The following EVL variants were observed in gnomAD, a reference collection of about 807,000 sequenced individuals.
EVL encodes ena/VASP-like protein.
EVL carries 21 observed loss-of-function variants against 59.6 expected under a neutral mutation model. The observed-to-expected ratio is 0.35, with a 90% CI of 0.25 to 0.51. The LOEUF (loss-of-function observed/expected upper bound fraction) is 0.51, where lower values mean the gene tolerates loss of function less well. Ranked by LOEUF, EVL falls within the 20% of genes least tolerant of loss-of-function variation. EVL has a pLI of 0.97. For missense variants in EVL, 462 were observed against 546.6 expected (o/e 0.85, Z 1.54); for synonymous variants, 198 against 203.5 (o/e 0.97, Z 0.23).
chr14:100,050,778 T>G (rs1269254911), intron 1 of EVL, among the ~76,000 whole-genome samples: 1 of 146,688 alleles, frequency 6.8e-6, no homozygotes, highest in African/African-American at 2.5e-5. Context: ...GGTCTCACTC[T>G]GTCCCCCAGG....
chr14:100,071,341 T>C lies in EVL; in HGVS notation c.11+5830T>C, dbSNP rs1358091620. 2.6e-5 allele frequency among the ~76,000 whole-genome samples: 4 copies of C among 152,204 alleles called. No homozygotes were observed. In the East Asian group the frequency reaches 5.8e-4, roughly 22 times the overall value. On this transcript the variant is annotated intron_variant, in intron 1 of 13. Transcript: ENST00000392920. Reference sequence around the variant, plus strand: ...TGCTGTAATGCAGCAGTTCTCAAAATGTACTCCAGAGATTGACCCTCCTAG... The same window carrying C: ...TGCTGTAATGCAGCAGTTCTCAAAACGTACTCCAGAGATTGACCCTCCTAG...
At chr14:100,014,421 A>C (rs979830313) in intron 1 of EVL, among the ~76,000 whole-genome samples, 20 of 152,228 alleles carry the variant, frequency 1.3e-4, no homozygotes, top group Non-Finnish European at 2.9e-4. Flanking sequence ...CACTTAACAT[A>C]ATGACCTCCA....
At chr14:99,995,122 T>G (rs1019068338) in intron 1 of EVL, among the ~76,000 whole-genome samples, 1 of 152,206 alleles carries the variant, frequency 6.6e-6, no homozygotes, top group African/African-American at 2.4e-5. Flanking sequence ...TTACGTGTGT[T>G]AGTATGCGTG....
In EVL at chr14:100,016,078, CAAAAAAA is replaced by C. The variant is rs756318037; in HGVS notation, c.5+44033_5+44039del. 5.5e-5 allele frequency among the ~76,000 whole-genome samples: 5 copies of C among 90,130 alleles called. No individual in the cohort carries two copies. The Admixed American group carries it at 5.9e-4, about 11-fold the overall frequency. The allele number at this position is 90,130 out of a possible 152,430, so 59.1% of individuals were successfully genotyped here. A position where few individuals can be genotyped will look rare whatever the true frequency, so the allele number is the denominator to read the frequency against. On this transcript the variant is annotated intron_variant, in intron 1 of 13. Transcript: ENST00000402714. ...TGCGTGACAGAGTAAGACTCTGTCT[CAAAAAAA>C]AAAAAAAAAAATTAATTATTTATTA...
intron 1 of EVL, among the ~76,000 whole-genome samples, chr14:100,014,902 A>G (rs2061039606): frequency 1.3e-5 from 2 of 152,258 alleles, no homozygotes; most frequent in African/African-American, 4.8e-5. Flanking sequence ...TGATTGGGCC[A>G]TGAGAAAAGA....
chr14:100,092,722 C>T (rs1013847520), intron 2 of EVL, among the ~76,000 whole-genome samples: 1 of 151,796 alleles, frequency 6.6e-6, no homozygotes, highest in African/African-American at 2.4e-5. Flanking sequence ...GTGACAGGAG[C>T]GAAACTCCAT....
chr14:100,085,036 A>C (rs1477734608), intron 2 of EVL, 181 bp downstream of exon 2: 2 of 586,144 alleles, frequency 3.4e-6, no homozygotes, highest in South Asian at 2.6e-5. Context: ...CCTTAAGCAC[A>C]CTGTTTCCTG....
Position 100,099,613 on chromosome 14 carries a change from G to A in EVL, c.358+1955G>A, listed in dbSNP as rs1039016323. 7.2e-5 allele frequency among the ~76,000 whole-genome samples: 11 copies of A among 152,200 alleles called. No homozygotes were observed. In the East Asian group the frequency reaches 1.7e-3, roughly 24 times the overall value. ...TGATGAGCACAGGGCCTGAGGCATC[G>A]TAAGTGCCCAGCAAATGTTTACTAA... On this transcript the variant is annotated intron_variant, in intron 3 of 13. Coordinates refer to ENST00000392920, the MANE Select transcript of EVL (RefSeq NM_016337.3).
rs1232030626 is a variant in EVL, at chr14:100,103,902, C to T, written c.358+6244C>T. Among the ~76,000 whole-genome samples the T allele has an allele frequency of 2.0e-5, 3 of 152,312 alleles. No homozygotes were observed. The East Asian group carries it at 5.8e-4, about 29-fold the overall frequency. ...GCTTTTCTCTGCGTTTTTCACATCC[C>T]GGCACCCAGGGCCCTGTGTGCTGTG... On this transcript the variant is annotated intron_variant, in intron 3 of 13. Transcript: ENST00000392920.
At chr14:100,069,775 G>A (rs2062010773) in intron 1 of EVL, among the ~76,000 whole-genome samples, 1 of 152,152 alleles carries the variant, frequency 6.6e-6, no homozygotes, top group Non-Finnish European at 1.5e-5. Context: ...TAGTCCAATG[G>A]CTTTGCTTTG....
At chr14:100,077,854 G>C (rs556983249) in intron 1 of EVL, among the ~76,000 whole-genome samples, 1 of 152,224 alleles carries the variant, frequency 6.6e-6, no homozygotes, top group East Asian at 1.9e-4. Flanking sequence ...CTCACTGCAA[G>C]CTCTGCCTCC....
intron 12 of EVL, 134 bp downstream of exon 12, chr14:100,141,380 A>G (rs1428349761): frequency 3.3e-6 from 3 of 910,372 alleles, no homozygotes; most frequent in African/African-American, 1.7e-5. Flanking sequence ...GGGAGCAGCC[A>G]CGGCAGAAAG....
At chr14:99,996,986 C>T (rs1050550428) in intron 1 of EVL, among the ~76,000 whole-genome samples, 2 of 152,130 alleles carry the variant, frequency 1.3e-5, no homozygotes, top group East Asian at 1.9e-4. Context: ...ACCTGAGGCA[C>T]GGAGTGATGA....
chr14:100,141,143 C>T, intron 11 of EVL, 37 bp from the exon 12 acceptor site: 10 of 1,608,420 alleles, frequency 6.2e-6, no homozygotes, highest in Non-Finnish European at 7.7e-6. Context: ...CCACACCTGT[C>T]TCCAGCCAGG....
At chr14:100,102,548 G>A in intron 3 of EVL, 1 of 357,478 alleles carries the variant, frequency 2.8e-6, no homozygotes, top group Non-Finnish European at 5.5e-6. Flanking sequence ...ATGTTGGTGG[G>A]TCACAGATTC....
chr14:100,029,374 T>C (rs1394172223), intron 1 of EVL, among the ~76,000 whole-genome samples: 1 of 152,156 alleles, frequency 6.6e-6, no homozygotes, highest in Admixed American at 6.5e-5. Context: ...GGAGGGCCCT[T>C]TTGATACTAG....
Position 99,972,408 on chromosome 14 carries a change from G to T in EVL, c.5+351G>T, listed in dbSNP as rs1343567712. On this transcript the variant is annotated intron_variant, in intron 1 of 13. Coordinates refer to the EVL transcript ENST00000402714. This position sits in a 1 kb window ranked among gnomAD's most constrained non-coding sequence, Gnocchi z 4.4. The stretch of plus-strand genomic sequence containing the variant: ...CCGCGGGCAGGTGTGGCCGTGTCCC[G>T]ACCGCGCGAGGACCGAAGTTGGCGG... 1.3e-5 allele frequency among the ~76,000 whole-genome samples: 2 copies of T among 152,090 alleles called. No homozygotes were observed. Among genetic ancestry groups the T allele is most frequent in the African/African-American group, 4.8e-5 (2 of 41,430 alleles).
chr14:99,980,694 G>T (rs993765191), intron 1 of EVL, among the ~76,000 whole-genome samples: 1 of 152,206 alleles, frequency 6.6e-6, no homozygotes, highest in Non-Finnish European at 1.5e-5. Context: ...ATTTCCTAAG[G>T]TGGCTTTTGT....
At chr14:100,141,273 A>T (rs1228991040) in intron 12 of EVL, 27 bp downstream of exon 12, 1 of 1,612,124 alleles carries the variant, frequency 6.2e-7, no homozygotes, top group South Asian at 1.1e-5. Flanking sequence ...CCCTTCCCTC[A>T]AGAGGCTGAG....
Sources: gnomAD v4.1 joint callset for allele counts (sites outside exome capture counted in the v4.1 genomes callset) on GRCh38, gnomAD v4.1.1 for gene constraint, Gnocchi (gnomAD v3.1) non-coding constraint, MANE v1.5 for transcripts, NCBI Gene and HGNC (gene_info 2026-07-23, HGNC 2026-07-21) for gene names.